Variants in ADGRL3 observed in about 807,000 individuals in gnomAD.
The protein encoded by ADGRL3 is calcium-independent alpha-latrotoxin receptor 3.
Under a neutral mutation model 153.5 loss-of-function variants are expected in ADGRL3, and 62 were observed. The ratio of observed to expected loss-of-function variants is 0.40; its 90% CI spans 0.33 to 0.50. The LOEUF is 0.50. ADGRL3 is among the 20% of genes least tolerant of loss of function. The pLI is 0.47. For synonymous variants in ADGRL3, 710 were observed against 672.5 expected (o/e 1.06, Z -0.86); for missense variants, 1,641 against 1,859.4 (o/e 0.88, Z 2.16).
intron 26 of ADGRL3, among the ~76,000 whole-genome samples, chr4:62,068,818 CTG>C (rs1048519403): frequency 1.3e-5 from 2 of 152,154 alleles, no homozygotes; most frequent in African/African-American, 4.8e-5. Flanking sequence ...ATTTTGAAAA[CTG>C]TCTTACTTGA....
chr4:61,813,916 A>C (rs1473062906), intron 9 of ADGRL3, 27 bp downstream of exon 9: 1 of 1,610,910 alleles, frequency 6.2e-7, no homozygotes, highest in Non-Finnish European at 8.5e-7. Context: ...ATGAAGAAAA[A>C]GTAACTCTGC....
chr4:61,423,884 T>G (rs1402019497), intron 2 of ADGRL3, among the ~76,000 whole-genome samples: 2 of 152,004 alleles, frequency 1.3e-5, no homozygotes, highest in African/African-American at 4.8e-5. Flanking sequence ...GTAAAAACAT[T>G]TAAAGGTGAG....
chr4:61,437,874 A>G (rs2124797), intron 2 of ADGRL3, among the ~76,000 whole-genome samples: 78,888 of 151,772 alleles, frequency 0.52, 21,284 homozygotes, highest in East Asian at 0.81. Flanking sequence ...ACTTACCCAC[A>G]CTTCAGTGTC....
At chr4:61,237,573 G>A (rs1560376019) in intron 1 of ADGRL3, among the ~76,000 whole-genome samples, 1 of 152,144 alleles carries the variant, frequency 6.6e-6, no homozygotes, top group East Asian at 1.9e-4. Flanking sequence ...GTCTGCACTT[G>A]AGGTGTTCTG....
chr4:61,385,323 GGCAAACAT>G (rs1337257152), intron 2 of ADGRL3: 1 of 152,166 alleles, frequency 6.6e-6, no homozygotes, highest in Non-Finnish European at 1.5e-5. Context: ...GCTTTTGTAA[GGCAAACAT>G]GATACTTCAC....
chr4:61,549,501 C>T (rs2098730620), intron 4 of ADGRL3, among the ~76,000 whole-genome samples: 1 of 151,950 alleles, frequency 6.6e-6, no homozygotes, highest in Non-Finnish European at 1.5e-5. Flanking sequence ...CTCTGCTATC[C>T]TCAGTGTAAT....
intron 1 of ADGRL3, among the ~76,000 whole-genome samples, chr4:61,372,814 G>T (rs113110802): frequency 2.2e-4 from 33 of 152,250 alleles, no homozygotes; most frequent in African/African-American, 6.5e-4. Context: ...AATGGCGGGC[G>T]CCCCTCCCCC....
intron 13 of ADGRL3, among the ~76,000 whole-genome samples, chr4:61,929,476 T>C (rs1351992180): frequency 1.3e-5 from 2 of 152,232 alleles, no homozygotes; most frequent in African/African-American, 4.8e-5. Context: ...AGTTTTATCA[T>C]TTCTAGTTAT....
intron 21 of ADGRL3, among the ~76,000 whole-genome samples, chr4:62,007,445 C>CACACATATAT (rs2099165212): frequency 7.8e-6 from 1 of 128,274 alleles, no homozygotes; most frequent in Admixed American, 7.7e-5. Flanking sequence ...TATATACACA[C>CACACATATAT]ACATATATAT....
Position 61,383,912 on chromosome 4 carries a change from T to C in ADGRL3, c.-174+723T>C, listed in dbSNP as rs540630311. 5.5e-4 allele frequency among the ~76,000 whole-genome samples: 84 copies of C among 151,966 alleles called. 3 individuals are homozygous for C. In the South Asian group the frequency reaches 0.017, roughly 31 times the overall value. On this transcript the variant is annotated intron_variant, in intron 2 of 26. Coordinates refer to ENST00000683033, the MANE Select transcript of ADGRL3 (RefSeq NM_001387552.1). ...CTTTTCTTGAAGTTACTGAAAGTAA[T>C]TCCTGTAAAGTTACTTTGTAAAGTT...
intron 1 of ADGRL3, among the ~76,000 whole-genome samples, chr4:61,228,652 C>T (rs1266919972): frequency 6.6e-6 from 1 of 152,164 alleles, no homozygotes; most frequent in Non-Finnish European, 1.5e-5. Flanking sequence ...ATATGTTTAA[C>T]AACCCATTAT....
intron 9 of ADGRL3, among the ~76,000 whole-genome samples, chr4:61,867,515 C>CATATATATATCTATATAT (rs2098408221): frequency 1.2e-5 from 1 of 81,140 alleles, no homozygotes. Context: ...AATATATATG[C>CATATATATATCTATATAT]ATATATATAT....
intron 5 of ADGRL3, among the ~76,000 whole-genome samples, chr4:61,646,875 C>CTCCTGCGCGGTGCACTGCACCCA (rs2094017127): frequency 6.6e-6 from 1 of 152,216 alleles, no homozygotes; most frequent in African/African-American, 2.4e-5. Flanking sequence ...CCTCCCCCAG[C>CTCCTGCGCGGTGCACTGCACCCA]CTGGCTGCCG....
At chr4:61,511,871 T>A in intron 3 of ADGRL3, among the ~76,000 whole-genome samples, 1 of 152,218 alleles carries the variant, frequency 6.6e-6, no homozygotes, top group East Asian at 1.9e-4. Flanking sequence ...ACTCAGGTGC[T>A]TGAATTGGAT....
intron 19 of ADGRL3, 22 bp from the exon 20 acceptor site, chr4:61,996,269 T>A (rs2099121462): frequency 1.9e-6 from 3 of 1,582,642 alleles, no homozygotes; most frequent in Non-Finnish European, 2.6e-6. Flanking sequence ...GAATACCTTC[T>A]CTCCCTTGTG....
In ADGRL3 at chr4:61,725,131, T is replaced by C. The variant is rs545490968; in HGVS notation, c.584-5491T>C. Among the ~76,000 whole-genome samples the C allele has an allele frequency of 3.9e-5, 6 of 152,290 alleles. No individual in the cohort carries two copies. The South Asian group carries it at 1.2e-3, about 32-fold the overall frequency. On this transcript the variant is annotated intron_variant, in intron 6 of 26. Coordinates refer to ENST00000683033, the MANE Select transcript of ADGRL3 (RefSeq NM_001387552.1). The stretch of plus-strand genomic sequence containing the variant: ...TAAGCTCTGTTTATGTGTTGAGCAC[T>C]GTAGATGAGTAAGATGAATTTTTAT...
At chr4:61,444,436 T>C (rs2097559631) in intron 2 of ADGRL3, among the ~76,000 whole-genome samples, 1 of 152,188 alleles carries the variant, frequency 6.6e-6, no homozygotes, top group Admixed American at 6.5e-5. Context: ...CTCACCATGT[T>C]TTTTTGTTCT....
At chr4:61,321,308 T>A (rs957967316) in intron 1 of ADGRL3, among the ~76,000 whole-genome samples, 2 of 152,110 alleles carry the variant, frequency 1.3e-5, no homozygotes, top group African/African-American at 4.8e-5. Flanking sequence ...CCTAAGTTGG[T>A]AGTCCCAGCG....
intron 5 of ADGRL3, among the ~76,000 whole-genome samples, chr4:61,644,580 A>G (rs919256958): frequency 6.6e-6 from 1 of 152,028 alleles, no homozygotes; most frequent in African/African-American, 2.4e-5. Flanking sequence ...TTCAGTTTCC[A>G]TGTAGTTGAG....
Sources: allele counts gnomAD v4.1 joint callset (sites outside exome capture counted in the v4.1 genomes callset), GRCh38; gene constraint gnomAD v4.1.1; transcripts MANE v1.5; gene names NCBI Gene and HGNC (gene_info 2026-07-23, HGNC 2026-07-21).